Variants in TNKS1BP1 observed in about 807,000 individuals in gnomAD.
TNKS1BP1 encodes 182 kDa tankyrase-1-binding protein.
A neutral mutation model predicts 141.1 loss-of-function variants in TNKS1BP1; 48 were observed. The ratio of observed to expected loss-of-function variants is 0.34; its 90% CI spans 0.27 to 0.43. TNKS1BP1 has a LOEUF of 0.43. Among genes scored for constraint, TNKS1BP1 ranks in the 20% least tolerant of loss-of-function variants. The pLI, the probability that TNKS1BP1 is intolerant of heterozygous loss-of-function variation, is 1.00. For missense variants in TNKS1BP1, 2,149 were observed against 2,226.0 expected, an observed-to-expected ratio of 0.97 and a Z score of 0.70; for synonymous variants, 875 against 898.2, an observed-to-expected ratio of 0.97 and a Z score of 0.46.
At chr11:57,320,019 C>CCCAAAA in intron 3 of TNKS1BP1, 60 bp downstream of exon 3, 6 of 1,242,040 alleles carry the variant, frequency 4.8e-6, no homozygotes, top group Non-Finnish European at 5.7e-6. Flanking sequence ...CAGCCCCCAC[C>CCCAAAA]CAATCCCACC....
chr11:57,308,544 C>G lies in TNKS1BP1; in HGVS notation c.4167G>C (p.Glu1389Asp). The part of the protein sequence containing the change: ...RHNGSLSPGL[E>D]ARDPLEAREL... ...CCCTGGCCTCCAAGGGGTCTCTGGC[C>G]TCCAGGCCAGGAGACAAGCTGCCAT... The change falls in exon 6 of 12, where the codon GAG becomes GAC. Residue 1389 changes from glutamate (E) to aspartate (D), a missense_variant. Transcript: ENST00000358252. 1 of 1,614,148 alleles carries G rather than the reference C, an allele frequency of 6.2e-7. No individual in the cohort carries two copies. The highest frequency in any genetic ancestry group is 1.3e-5 in the African/African-American group (1 of 75,030).
rs79638626 is a variant in TNKS1BP1, at chr11:57,313,574, G to A, written c.1114C>T (p.Pro372Ser). The A allele has an allele frequency of 1.3e-6, 2 of 1,590,438 alleles. No individual in the cohort carries two copies. The highest frequency in any genetic ancestry group is 1.8e-5 in the Admixed American group (1 of 56,494). ...AGGCTATGGGGCTCCAAGACCTCAG[G>A]GGGTGGGCTGCTGGGTCTGGGGGCC... ...PEAPRPSSPP[P>S]EVLEPHSLDQ... The change falls in exon 5 of 12, where the codon CCT becomes TCT. Residue 372 changes from proline to serine, a missense_variant. By Grantham distance (74) the Pro-to-Ser change is moderately conservative. Transcript: ENST00000358252.
chr11:57,308,684 C>T lies in TNKS1BP1; in HGVS notation c.4027G>A (p.Asp1343Asn), dbSNP rs148468577. The change falls in exon 6 of 12, where the codon GAC (aspartate) becomes AAC (asparagine). Residue 1343 changes from aspartate to asparagine, a missense_variant. Asp to Asn is a conservative substitution (Grantham distance 23). Transcript: ENST00000358252. Reference sequence around the variant, plus strand: ...TGGGGCGCCAAGTCCTGGGTCCAGTCCATCTGCCCCACTCCACATCCCCGT... The same window carrying T: ...TGGGGCGCCAAGTCCTGGGTCCAGTTCATCTGCCCCACTCCACATCCCCGT... ...GLRGCGVGQM[D>N]WTQDLAPQNV... 4,938 of 1,612,924 alleles carry T rather than the reference C, an allele frequency of 3.1e-3. 12 individuals carry two copies. Among genetic ancestry groups the T allele is most frequent in the Non-Finnish European group, 3.7e-3 (4,424 of 1,180,020 alleles).
intron 6 of TNKS1BP1, among the ~76,000 whole-genome samples, chr11:57,306,493 T>C (rs1329868963): frequency 6.6e-6 from 1 of 152,194 alleles, no homozygotes; most frequent in African/African-American, 2.4e-5. Flanking sequence ...ATTCACAGAC[T>C]GGTATTCTTT....
At chr11:57,311,161 G>A in intron 5 of TNKS1BP1, 1 of 888,438 alleles carries the variant, frequency 1.1e-6, no homozygotes, top group Admixed American at 6.2e-5. Context: ...AGACAAGAGG[G>A]GCAGCCTCTG....
chr11:57,300,748 A>G (rs1225893078), intron 10 of TNKS1BP1, 136 bp downstream of exon 10: 1 of 1,493,838 alleles, frequency 6.7e-7, no homozygotes, highest in Non-Finnish European at 9.2e-7. Context: ...CACCATCTTC[A>G]TACCGTTCAT....
At chr11:57,314,521 A>C (rs1304497371) in intron 4 of TNKS1BP1, among the ~76,000 whole-genome samples, 1 of 152,192 alleles carries the variant, frequency 6.6e-6, no homozygotes, top group African/African-American at 2.4e-5. Flanking sequence ...CCTCCCTCAC[A>C]TATGGCAGAC....
chr11:57,320,011 G>GCCCCCCCCCCCAACC, intron 3 of TNKS1BP1, 68 bp downstream of exon 3: 2 of 1,296,684 alleles, frequency 1.5e-6, no homozygotes, highest in Non-Finnish European at 2.2e-6. Context: ...TTGGTCCCCA[G>GCCCCCCCCCCCAACC]CCCCCACCCA....
Position 57,313,670 on chromosome 11 carries a change from TTGGAGCTGA to T in TNKS1BP1, c.1009_1017del (p.Pro339_Ala341del), listed in dbSNP as rs1855753850. On this transcript the variant is annotated inframe_deletion, in exon 5 of 12. Transcript: ENST00000358252. Reference sequence around the variant, plus strand: ...GAGCCCTCGTCAGGCAGGGCTGCACTTGGAGCTGATGGAGTCACAGCGGGGCAGGGAGAA... The same window carrying T: ...GAGCCCTCGTCAGGCAGGGCTGCACTTGGAGTCACAGCGGGGCAGGGAGAA... The T allele has an allele frequency of 1.6e-5, 25 of 1,566,292 alleles. No homozygotes were observed. The highest frequency in any genetic ancestry group is 2.2e-5 in the Non-Finnish European group (25 of 1,155,254).
Position 57,313,288 on chromosome 11 carries a change from T to G in TNKS1BP1, c.1400A>C (p.Glu467Ala), listed in dbSNP as rs756467432. The G allele has an allele frequency of 4.2e-5, 68 of 1,612,890 alleles. No individual in the cohort carries two copies. Among genetic ancestry groups the G allele is most frequent in the Non-Finnish European group, 6.8e-6 (8 of 1,180,028 alleles). Residue 467 changes from glutamate to alanine, a missense_variant, in exon 5 of 12, where the codon GAG becomes GCG. Physicochemically the swap from Glu to Ala is moderately radical, Grantham distance 107 (BLOSUM62 -1). Transcript: ENST00000358252. Reference protein sequence around the residue: ...QLALDRPFGAESNWSLSQSFE... With the variant: ...QLALDRPFGAASNWSLSQSFE... ...GGACTGTGATAAGCTCCAGTTGGAC[T>G]CTGCCCCAAAGGGACGATCCAGGGC...
chr11:57,322,372 C>A, intron 1 of TNKS1BP1: 1 of 964,502 alleles, frequency 1.0e-6, no homozygotes, highest in Non-Finnish European at 1.2e-6. Context: ...CCTCCCCAAC[C>A]TGGGCTCCGC....
intron 3 of TNKS1BP1, 57 bp downstream of exon 3, chr11:57,320,022 A>AAACCC: frequency 8.9e-7 from 1 of 1,118,678 alleles, no homozygotes; most frequent in Non-Finnish European, 1.3e-6. Flanking sequence ...CCCCCACCCA[A>AAACCC]TCCCACCCCA....
chr11:57,314,116 C>T (rs772771543), intron 4 of TNKS1BP1, among the ~76,000 whole-genome samples: 2 of 152,192 alleles, frequency 1.3e-5, no homozygotes, highest in Non-Finnish European at 2.9e-5. Flanking sequence ...TGCGCCTATC[C>T]TTATTCACAA....
chr11:57,317,939 C>T, intron 3 of TNKS1BP1, 52 bp from the exon 4 acceptor site: 1 of 1,568,904 alleles, frequency 6.4e-7, no homozygotes, highest in African/African-American at 1.3e-5. Context: ...GAGTCTGTCA[C>T]AGAATGGAAA....
chr11:57,307,540 C>T (rs536920612), intron 6 of TNKS1BP1, among the ~76,000 whole-genome samples: 1 of 152,298 alleles, frequency 6.6e-6, no homozygotes, highest in South Asian at 2.1e-4. Context: ...CCTCCCACCA[C>T]CAACCCCTTC....
intron 5 of TNKS1BP1, chr11:57,311,247 C>T (rs3935068): frequency 0.27 from 269,991 of 985,982 alleles, 38,159 homozygotes; most frequent in Non-Finnish European, 0.29. Flanking sequence ...CCCTTGTGGG[C>T]GGGAGAGCCC....
intron 5 of TNKS1BP1, 49 bp from the exon 6 acceptor site, chr11:57,310,605 T>A: frequency 6.4e-7 from 1 of 1,562,472 alleles, no homozygotes. Context: ...TTAGATTCCA[T>A]CAGGGTGGGA....
Position 57,317,764 on chromosome 11 carries a change from A to T in TNKS1BP1, c.798+54T>A, listed in dbSNP as rs1855819970. 1.1e-5 allele frequency: 17 copies of T among 1,545,098 alleles called. No individual in the cohort carries two copies. In the South Asian group the frequency reaches 1.9e-4, roughly 17 times the overall value. On this transcript the variant is annotated intron_variant, in intron 4 of 11. Coordinates refer to ENST00000358252, the MANE Select transcript of TNKS1BP1 (RefSeq NM_033396.3). Reference sequence around the variant, plus strand: ...GGAGTAGAAAAGATGATCTCATATGACCCTTCCAGCTCTAAAATACGTGAT... The same window carrying T: ...GGAGTAGAAAAGATGATCTCATATGTCCCTTCCAGCTCTAAAATACGTGAT...
Position 57,302,052 on chromosome 11 carries a change from C to A in TNKS1BP1, c.4834+22G>T. 1 of 1,606,762 alleles carries A rather than the reference C, an allele frequency of 6.2e-7. No individual in the cohort carries two copies. Among genetic ancestry groups the A allele is most frequent in the Non-Finnish European group, 8.5e-7 (1 of 1,173,958 alleles). ...ATGCCCTAGAGATCAAGAGACATCA[C>A]CAAATAATACATCAGCCCTACCTGT... On this transcript the variant is annotated intron_variant, in intron 8 of 11. Coordinates refer to ENST00000358252, the MANE Select transcript of TNKS1BP1 (RefSeq NM_033396.3). This position sits in a 1 kb window ranked among gnomAD's most constrained non-coding sequence, Gnocchi z 5.5.
Sources: gnomAD v4.1 joint callset for allele counts (sites outside exome capture counted in the v4.1 genomes callset) on GRCh38, gnomAD v4.1.1 for gene constraint, Gnocchi (gnomAD v3.1) non-coding constraint, MANE v1.5 for transcripts, NCBI Gene and HGNC (gene_info 2026-07-23, HGNC 2026-07-21) for gene names.